RAB27B: variants seen among roughly 807,000 people sequenced by gnomAD.
The protein encoded by RAB27B is ras-related protein Rab-27B.
A neutral mutation model predicts 24.6 loss-of-function variants in RAB27B; 15 were observed. That is an observed-to-expected ratio of 0.61 (90% CI 0.41 to 0.94). The LOEUF is 0.94. Ranked by LOEUF, RAB27B falls within the 40% of genes least tolerant of loss-of-function variation. The pLI, the probability that RAB27B is intolerant of heterozygous loss-of-function variation, is 0.00. For missense variants in RAB27B, 261 were observed against 266.8 expected (o/e 0.98, Z 0.15); for synonymous variants, 105 against 92.5 (o/e 1.14, Z -0.78).
intron 4 of RAB27B, among the ~76,000 whole-genome samples, chr18:54,887,507 A>G (rs1913194089): frequency 1.3e-5 from 2 of 152,272 alleles, no homozygotes; most frequent in South Asian, 4.1e-4. Context: ...TTAACCAAGA[A>G]TAGCACATGG....
At chr18:54,769,541 A>C (rs73960615) in intron 2 of RAB27B, among the ~76,000 whole-genome samples, 1 of 151,516 alleles carries the variant, frequency 6.6e-6, no homozygotes, top group Middle Eastern at 3.2e-3. Flanking sequence ...GATTTGGTCT[A>C]TTGGTTTTGT....
In RAB27B at chr18:54,889,462, T is replaced by A. The variant is rs1033702081; in HGVS notation, c.*49T>A. On this transcript the variant is annotated 3_prime_UTR_variant, in exon 6 of 6. Coordinates refer to ENST00000262094, the MANE Select transcript of RAB27B (RefSeq NM_004163.4). ...AAGAACCCCACCAAAATATTACTTT[T>A]AAAAACAATGACAAACCACACAATT... The A allele has an allele frequency of 1.4e-5, 21 of 1,499,494 alleles. No individual in the cohort carries two copies. In the African/African-American group the frequency reaches 2.6e-4, roughly 18 times the overall value. The allele number at this position is 1,499,494 out of a possible 1,614,324, so 92.9% of individuals were successfully genotyped here.
At position 54,892,524 on chromosome 18, in the gene RAB27B, C is replaced by A. The variant is rs2145304539; in HGVS notation, c.*3111C>A. ...TAGCTGTGATTAGGTACAAGCTTAC[C>A]TTTTAGGGTAGAAAAAGAAAGATCA... On this transcript the variant is annotated 3_prime_UTR_variant, in exon 6 of 6. Coordinates refer to ENST00000262094, the MANE Select transcript of RAB27B (RefSeq NM_004163.4). The A allele has an allele frequency of 6.6e-6, 1 of 152,086 alleles. No homozygotes were observed. Among genetic ancestry groups the A allele is most frequent in the African/African-American group, 2.4e-5 (1 of 41,522 alleles). The allele number at this position is 152,086 out of a possible 1,614,324, so 9.4% of individuals were successfully genotyped here. A position where few individuals can be genotyped will look rare whatever the true frequency, so the allele number is the denominator to read the frequency against.
rs531074727 is a variant in RAB27B at position 54,849,448 on chromosome 18, T to A, written c.-20+20748T>A. On this transcript the variant is annotated intron_variant, in intron 1 of 5. Coordinates refer to ENST00000262094, the MANE Select transcript of RAB27B (RefSeq NM_004163.4). ...AAGAAGGTAAATTGGCCAGGAGCGGTGGCTCATGCCTGTAATCCCAGCGCT... is the reference window on the plus strand; with the variant it reads ...AAGAAGGTAAATTGGCCAGGAGCGGAGGCTCATGCCTGTAATCCCAGCGCT... 2.0e-5 allele frequency among the ~76,000 whole-genome samples: 3 copies of A among 152,358 alleles called. No homozygotes were observed. The East Asian group carries it at 5.8e-4, about 29-fold the overall frequency.
intron 1 of RAB27B, among the ~76,000 whole-genome samples, chr18:54,851,982 T>C (rs1028369960): frequency 6.6e-6 from 1 of 152,240 alleles, no homozygotes; most frequent in East Asian, 1.9e-4. Flanking sequence ...TTGTATTTTA[T>C]GCTACTTTTC....
chr18:54,760,421 G>C (rs1258093640), intron 2 of RAB27B, among the ~76,000 whole-genome samples: 2 of 152,128 alleles, frequency 1.3e-5, no homozygotes, highest in Non-Finnish European at 2.9e-5. Context: ...TAGACAACTT[G>C]AAATTTTATT....
upstream of RAB27B, among the ~76,000 whole-genome samples, chr18:54,824,106 C>G (rs973415435): frequency 6.6e-6 from 1 of 152,184 alleles, no homozygotes; most frequent in African/African-American, 2.4e-5. Flanking sequence ...CACATATACA[C>G]AGATAGTCTT....
chr18:54,798,722 G>T (rs1307701416), intron 2 of RAB27B, among the ~76,000 whole-genome samples: 3 of 152,176 alleles, frequency 2.0e-5, no homozygotes, highest in African/African-American at 4.8e-5. Flanking sequence ...CTTCTAAGTT[G>T]CTAACATTCA....
intron 1 of RAB27B, among the ~76,000 whole-genome samples, chr18:54,867,442 C>CTTTTCTTTTTTTTTTTTTTTTTTTTTTTT (rs1555666326): frequency 1.0e-5 from 1 of 98,754 alleles, no homozygotes; most frequent in Non-Finnish European, 2.0e-5. Flanking sequence ...CTTTTCTTTT[C>CTTTTCTTTTTTTTTTTTTTTTTTTTTTTT]TTTTTTTTTT....
At chr18:54,874,557 T>C (rs9807112) in intron 1 of RAB27B, among the ~76,000 whole-genome samples, 45,213 of 127,730 alleles carry the variant, frequency 0.35, 6,870 homozygotes, top group East Asian at 0.52. Context: ...TACACACACA[T>C]TTGCTAAAAA....
At chr18:54,784,346 A>C (rs1158466583) in intron 2 of RAB27B, among the ~76,000 whole-genome samples, 3 of 152,342 alleles carry the variant, frequency 2.0e-5, no homozygotes, top group African/African-American at 7.2e-5. Flanking sequence ...CAGATGTGTT[A>C]CATGGGTATA....
chr18:54,868,908 T>C (rs1419716948), intron 1 of RAB27B, among the ~76,000 whole-genome samples: 11 of 152,212 alleles, frequency 7.2e-5, no homozygotes, highest in Admixed American at 7.2e-4. Context: ...AAAATGTTTC[T>C]CAATTACTTA....
chr18:54,889,388 C>T lies in RAB27B; in HGVS notation c.632C>T (p.Pro211Leu), dbSNP rs1437030743. The T allele has an allele frequency of 1.2e-6, 2 of 1,612,678 alleles. No homozygotes were observed. Among genetic ancestry groups the T allele is most frequent in the Admixed American group, 3.3e-5 (2 of 59,924 alleles). ...GNSGNLDGEK[P>L]PEKKCIC Reference sequence around the variant, plus strand: ...TCTGGAAACTTGGATGGGGAAAAGCCACCAGAGAAGAAATGTATCTGCTAG... The same window carrying T: ...TCTGGAAACTTGGATGGGGAAAAGCTACCAGAGAAGAAATGTATCTGCTAG... The change falls in exon 6 of 6, where the codon CCA (proline) becomes CTA (leucine). Residue 211 changes from proline to leucine, a missense_variant. Coordinates refer to ENST00000262094, the MANE Select transcript of RAB27B (RefSeq NM_004163.4).
intron 1 of RAB27B, among the ~76,000 whole-genome samples, chr18:54,832,892 A>G (rs80302517): frequency 0.051 from 7,824 of 152,302 alleles, 270 homozygotes; most frequent in Middle Eastern, 0.13. Context: ...ATTCAGAAAA[A>G]CTATAAAAAA....
intron 2 of RAB27B, among the ~76,000 whole-genome samples, chr18:54,814,479 C>T (rs1353003756): frequency 6.6e-6 from 1 of 152,102 alleles, no homozygotes; most frequent in Non-Finnish European, 1.5e-5. Context: ...CATGGGAAAA[C>T]ATTTTAAAAA....
At chr18:54,747,987 T>C (rs551633214) in intron 2 of RAB27B, among the ~76,000 whole-genome samples, 2 of 152,088 alleles carry the variant, frequency 1.3e-5, no homozygotes, top group South Asian at 2.1e-4. Flanking sequence ...GTTGCTGTTG[T>C]CCCAACTACC....
chr18:54,835,160 GA>G (rs1490638914), intron 1 of RAB27B, among the ~76,000 whole-genome samples: 1 of 151,812 alleles, frequency 6.6e-6, no homozygotes, highest in Non-Finnish European at 1.5e-5. Flanking sequence ...AATACAAAAT[GA>G]AATTAGATTT....
chr18:54,731,785 C>T (rs1269243494), intron 2 of RAB27B, among the ~76,000 whole-genome samples: 2 of 152,152 alleles, frequency 1.3e-5, no homozygotes, highest in Non-Finnish European at 2.9e-5. Context: ...CAAAGCAAGT[C>T]TTAACAAATG....
At chr18:54,792,735 G>A (rs1323120696) in intron 2 of RAB27B, among the ~76,000 whole-genome samples, 1 of 94,994 alleles carries the variant, frequency 1.1e-5, no homozygotes, top group East Asian at 2.9e-4. Context: ...TAAGGAACTC[G>A]TGAAGATCTA....
Sources: gnomAD v4.1 joint callset for allele counts (sites outside exome capture counted in the v4.1 genomes callset) on GRCh38, gnomAD v4.1.1 for gene constraint, MANE v1.5 for transcripts, NCBI Gene and HGNC (gene_info 2026-07-23, HGNC 2026-07-21) for gene names.